Variants in RAD51B observed in about 807,000 individuals in gnomAD.
RAD51B encodes the protein DNA repair protein RAD51 homolog 2.
RAD51B carries 38 observed loss-of-function variants against 42.2 expected under a neutral mutation model. The ratio of observed to expected loss-of-function variants is 0.90; its 90% CI spans 0.70 to 1.18. The LOEUF is 1.18. RAD51B is among the 50% of genes most tolerant of loss of function. RAD51B has a pLI of 0.00. For synonymous variants in RAD51B, 154 were observed against 145.2 expected (o/e 1.06, Z -0.43); for missense variants, 373 against 400.7 (o/e 0.93, Z 0.59).
intron 8 of RAD51B, among the ~76,000 whole-genome samples, chr14:68,381,823 C>T (rs150216362): frequency 1.3e-3 from 191 of 152,326 alleles, no homozygotes; most frequent in African/African-American, 4.2e-3. Flanking sequence ...CCCAAAACCC[C>T]TTCCAGTTGC....
rs1889940627 is a variant in RAD51B, at chr14:68,575,892, T to A, written c.1037-18593T>A. Among the ~76,000 whole-genome samples the A allele has an allele frequency of 2.0e-5, 3 of 152,176 alleles. No individual in the cohort carries two copies. In the South Asian group the frequency reaches 6.2e-4, roughly 32 times the overall value. ...GAAACAGAGTTCTTTTCAAAAGGAT[T>A]TGACTAAGAAGAATGTAGTGAAGGC... On this transcript the variant is annotated intron_variant, in intron 10 of 10. Coordinates refer to the RAD51B transcript ENST00000487270.
intron 9 of RAD51B, among the ~76,000 whole-genome samples, chr14:68,466,340 C>T (rs2085986547): frequency 6.6e-6 from 1 of 152,216 alleles, no homozygotes; most frequent in Non-Finnish European, 1.5e-5. Context: ...ATTTAATCCT[C>T]ATAATAATGC....
intron 7 of RAD51B, among the ~76,000 whole-genome samples, chr14:67,900,732 T>C (rs1462584030): frequency 1.3e-5 from 2 of 151,976 alleles, no homozygotes; most frequent in Admixed American, 1.3e-4. Flanking sequence ...TAAAGTACAG[T>C]ATTTTAAAGA....
At chr14:68,617,819 G>T (rs1211543166) in intron 10 of RAD51B, among the ~76,000 whole-genome samples, 1 of 152,180 alleles carries the variant, frequency 6.6e-6, no homozygotes, top group Non-Finnish European at 1.5e-5. Context: ...TTTTGGTAGA[G>T]ACAGGGTTTC....
chr14:67,852,003 G>A (rs1269515047), intron 4 of RAD51B, among the ~76,000 whole-genome samples: 3 of 151,908 alleles, frequency 2.0e-5, no homozygotes, highest in Non-Finnish European at 4.4e-5. Flanking sequence ...TTACTCTCAA[G>A]GCAGCTGCAT....
chr14:68,269,570 T>C (rs1011516036), intron 7 of RAD51B, among the ~76,000 whole-genome samples: 2 of 152,248 alleles, frequency 1.3e-5, no homozygotes, highest in African/African-American at 4.8e-5. Flanking sequence ...CCTATCAGTA[T>C]CTACACCCGA....
chr14:68,318,243 A>G (rs2082096440), intron 8 of RAD51B, among the ~76,000 whole-genome samples: 1 of 152,234 alleles, frequency 6.6e-6, no homozygotes, highest in Non-Finnish European at 1.5e-5. Flanking sequence ...CAACCTGGCC[A>G]TAGGCTGCTG....
chr14:68,383,844 A>G (rs2083534449), intron 8 of RAD51B, among the ~76,000 whole-genome samples: 1 of 152,056 alleles, frequency 6.6e-6, no homozygotes, highest in South Asian at 2.1e-4. Flanking sequence ...GCCAGCTAGT[A>G]AGCTGTGGAG....
intron 5 of RAD51B, among the ~76,000 whole-genome samples, chr14:67,870,823 C>A (rs2042502598): frequency 1.7e-5 from 2 of 118,726 alleles, no homozygotes; most frequent in Admixed American, 8.0e-5. Context: ...GAACAACCTG[C>A]TCCTGAGTGA....
intron 7 of RAD51B, among the ~76,000 whole-genome samples, chr14:68,270,091 C>T (rs570903517): frequency 4.6e-5 from 7 of 152,320 alleles, no homozygotes; most frequent in East Asian, 1.9e-4. Flanking sequence ...AATAACTTTG[C>T]GATAACTTTG....
At chr14:68,233,006 C>T (rs1476505194) in intron 7 of RAD51B, among the ~76,000 whole-genome samples, 1 of 152,062 alleles carries the variant, frequency 6.6e-6, no homozygotes, top group Non-Finnish European at 1.5e-5. Flanking sequence ...TTAAGCATAC[C>T]GTCTTCAGAT....
At chr14:68,356,621 T>C (rs1226865851) in intron 8 of RAD51B, among the ~76,000 whole-genome samples, 1 of 151,948 alleles carries the variant, frequency 6.6e-6, no homozygotes, top group African/African-American at 2.4e-5. Flanking sequence ...CTTGCCTTAG[T>C]GTTGAAGGTT....
At chr14:68,090,858 C>G (rs1342729973) in intron 7 of RAD51B, among the ~76,000 whole-genome samples, 2 of 113,144 alleles carry the variant, frequency 1.8e-5, no homozygotes, top group African/African-American at 6.5e-5. Context: ...CCCCTCCCCC[C>G]ACCCCACAAC....
intron 7 of RAD51B, among the ~76,000 whole-genome samples, chr14:67,942,367 A>T (rs1329737059): frequency 6.6e-6 from 1 of 152,216 alleles, no homozygotes; most frequent in African/African-American, 2.4e-5. Flanking sequence ...ACAAATAAAC[A>T]TATCCTAGTC....
intron 9 of RAD51B, among the ~76,000 whole-genome samples, chr14:68,434,095 C>T (rs1272104076): frequency 6.6e-6 from 1 of 152,190 alleles, no homozygotes; most frequent in Non-Finnish European, 1.5e-5. Flanking sequence ...CCTCATCGTT[C>T]CTCTGGAAGC....
intron 10 of RAD51B, among the ~76,000 whole-genome samples, chr14:68,561,789 C>G (rs1355473067): frequency 6.6e-6 from 1 of 152,212 alleles, no homozygotes; most frequent in East Asian, 1.9e-4. Flanking sequence ...TCCTCAAAGG[C>G]ACTGCAGCTT....
intron 7 of RAD51B, among the ~76,000 whole-genome samples, chr14:67,940,646 T>C (rs903167356): frequency 2.6e-5 from 4 of 152,156 alleles, no homozygotes; most frequent in Admixed American, 1.3e-4. Flanking sequence ...GTCAGAGATA[T>C]AAGTTCTCAT....
chr14:68,057,385 A>C (rs1375182378), intron 7 of RAD51B, among the ~76,000 whole-genome samples: 1 of 152,148 alleles, frequency 6.6e-6, no homozygotes, highest in Non-Finnish European at 1.5e-5. Context: ...ACTTTAATAA[A>C]TGTGCTTTTA....
chr14:68,231,558 C>G lies in RAD51B; in HGVS notation c.757-60326C>G, dbSNP rs1449354062. On this transcript the variant is annotated intron_variant, in intron 7 of 10. Transcript: ENST00000471583. ...GCCAAAAGGCAAAATCCCCAGCCCCCTCCCAACCATGCCAGTGCATTGAAA... is the reference window on the plus strand; with the variant it reads ...GCCAAAAGGCAAAATCCCCAGCCCCGTCCCAACCATGCCAGTGCATTGAAA... Among the ~76,000 whole-genome samples the G allele has an allele frequency of 5.9e-5, 9 of 152,322 alleles. No individual in the cohort carries two copies. In the South Asian group the frequency reaches 1.0e-3, roughly 18 times the overall value.
Sources: allele counts gnomAD v4.1 joint callset (sites outside exome capture counted in the v4.1 genomes callset), GRCh38; gene constraint gnomAD v4.1.1; transcripts MANE v1.5; gene names NCBI Gene and HGNC (gene_info 2026-07-23, HGNC 2026-07-21).